CELF2: variants seen among roughly 807,000 people sequenced by gnomAD.
CELF2 encodes the protein CUG triplet repeat RNA-binding protein 2.
In CELF2, 8 loss-of-function variants were observed where a neutral mutation model predicts 62.6. That is an observed-to-expected ratio of 0.13 (90% CI 0.07 to 0.23). The LOEUF (loss-of-function observed/expected upper bound fraction) is 0.23, where lower values mean the gene tolerates loss of function less well. Ranked by LOEUF, CELF2 falls within the 10% of genes least tolerant of loss-of-function variation. The probability of loss-of-function intolerance (pLI) is 1.00; values close to 1 mark genes in which losing one functional copy is unlikely to be tolerated. For missense variants in CELF2, 333 were observed against 671.0 expected (o/e 0.50, Z 5.56); for synonymous variants, 258 against 250.0 (o/e 1.03, Z -0.30).
the CELF2 span, among the ~76,000 whole-genome samples, chr10:10,755,434 A>G: frequency 6.6e-6 from 1 of 152,190 alleles, no homozygotes; most frequent in African/African-American, 2.4e-5. Flanking sequence ...GGGGAAATTC[A>G]GGGCTGGGAT....
rs11257051 is a variant in CELF2, at chr10:11,294,184, A to G, written c.976+5632A>G. Reference sequence around the variant, plus strand: ...ATAGAATAAGTACGAGTCTGGTATCAGAGAAGGGCATTTCACCTTCAGAAG... The same window carrying G: ...ATAGAATAAGTACGAGTCTGGTATCGGAGAAGGGCATTTCACCTTCAGAAG... On this transcript the variant is annotated intron_variant, in intron 9 of 12. Transcript: ENST00000633077. Among the ~76,000 whole-genome samples, 1,691 of 152,344 alleles carry G rather than the reference A, an allele frequency of 0.011. 105 individuals are homozygous for G. The East Asian group carries it at 0.18, about 16-fold the overall frequency.
chr10:11,254,497 G>C (rs1157697658), intron 4 of CELF2, among the ~76,000 whole-genome samples: 1 of 152,194 alleles, frequency 6.6e-6, no homozygotes, highest in East Asian at 1.9e-4. Context: ...AGTTGACCTT[G>C]AGTGATGGCT....
At chr10:10,470,834 A>T in the CELF2 span, among the ~76,000 whole-genome samples, 1 of 151,036 alleles carries the variant, frequency 6.6e-6, no homozygotes, top group Non-Finnish European at 1.5e-5. Context: ...TAAAGCATGG[A>T]CAGCTTTGGG....
the CELF2 span, among the ~76,000 whole-genome samples, chr10:10,511,838 C>A: frequency 6.6e-6 from 1 of 152,174 alleles, no homozygotes; most frequent in African/African-American, 2.4e-5. Flanking sequence ...CATATCAAGG[C>A]CTGCTACTCT....
intron 2 of CELF2, among the ~76,000 whole-genome samples, chr10:11,197,044 A>AAAGAAG (rs2057977516): frequency 1.7e-5 from 1 of 57,204 alleles, no homozygotes; most frequent in Non-Finnish European, 3.6e-5. Context: ...AAAGAAAGAA[A>AAAGAAG]GAAAGAAAGA....
intron 1 of CELF2, among the ~76,000 whole-genome samples, chr10:11,038,297 G>T (rs2061295389): frequency 6.6e-6 from 1 of 152,158 alleles, no homozygotes. Context: ...GAGTCCTCTT[G>T]CCTAGCCTCT....
At chr10:11,208,805 A>T (rs2061067001) in intron 2 of CELF2, among the ~76,000 whole-genome samples, 1 of 152,090 alleles carries the variant, frequency 6.6e-6, no homozygotes, top group Non-Finnish European at 1.5e-5. Flanking sequence ...TGGGACTGAG[A>T]GACAGGAGGG....
chr10:11,127,898 T>C (rs770232767), intron 1 of CELF2, among the ~76,000 whole-genome samples: 9 of 152,246 alleles, frequency 5.9e-5, no homozygotes, highest in Non-Finnish European at 8.8e-5. Context: ...AGATCCCATT[T>C]GTCAATTTTG....
At chr10:10,734,040 C>A in the CELF2 span, among the ~76,000 whole-genome samples, 2 of 152,090 alleles carry the variant, frequency 1.3e-5, no homozygotes, top group African/African-American at 4.8e-5. Context: ...ATACGTATAT[C>A]AATTACTAAT....
At chr10:10,469,620 TG>T in the CELF2 span, among the ~76,000 whole-genome samples, 20 of 152,046 alleles carry the variant, frequency 1.3e-4, no homozygotes, top group African/African-American at 4.6e-4. Context: ...CTTCTTGTAA[TG>T]TCTTTGGTGT....
chr10:10,601,195 A>G, the CELF2 span, among the ~76,000 whole-genome samples: 1 of 152,208 alleles, frequency 6.6e-6, no homozygotes, highest in Non-Finnish European at 1.5e-5. Flanking sequence ...ATTTCCCTGC[A>G]ATAATCCTGA....
chr10:11,124,701 A>G lies in CELF2; in HGVS notation c.75-40785A>G, dbSNP rs115561484. ...CACTGCAATAAGTTCTAAGCGTACA[A>G]GGTACACACAGCATTCATGGTGCCT... On this transcript the variant is annotated intron_variant, in intron 1 of 12. Coordinates refer to ENST00000633077, the MANE Select transcript of CELF2 (RefSeq NM_001326342.2). Among the ~76,000 whole-genome samples the G allele has an allele frequency of 7.4e-3, 1,131 of 152,312 alleles. 15 individuals carry two copies. The highest frequency in any genetic ancestry group is 0.026 in the African/African-American group (1,077 of 41,576).
At chr10:11,007,477 T>C (rs1204487389) in intron 1 of CELF2, among the ~76,000 whole-genome samples, 3 of 152,212 alleles carry the variant, frequency 2.0e-5, no homozygotes, top group African/African-American at 7.2e-5. Flanking sequence ...ATGGACAGTA[T>C]TTTCAGAGTA....
At chr10:11,215,077 A>G (rs2062955714) in intron 2 of CELF2, among the ~76,000 whole-genome samples, 2 of 152,244 alleles carry the variant, frequency 1.3e-5, no homozygotes, top group African/African-American at 4.8e-5. Flanking sequence ...CCTTTAAAGT[A>G]GCTAAAATCA....
chr10:10,490,148 CA>C, the CELF2 span, among the ~76,000 whole-genome samples: 2 of 152,142 alleles, frequency 1.3e-5, no homozygotes, highest in African/African-American at 4.8e-5. Context: ...CCATTTGTAA[CA>C]GTAACAGAAC....
chr10:10,509,805 C>T, the CELF2 span, among the ~76,000 whole-genome samples: 1 of 152,204 alleles, frequency 6.6e-6, no homozygotes, highest in Non-Finnish European at 1.5e-5. Flanking sequence ...ACTGTAGTCG[C>T]TTTGCAGAAA....
chr10:10,952,040 C>T (rs571019140), intron 2 of CELF2: 18 of 152,250 alleles, frequency 1.2e-4, no homozygotes, highest in Non-Finnish European at 2.6e-4. Context: ...GAGTGGAGTC[C>T]AGGTGGCACC....
At chr10:11,005,267 A>G (rs112969489), upstream of CELF2, 31,377 of 1,531,838 alleles carry the variant, frequency 0.02, 4,157 homozygotes, top group African/African-American at 0.38. This position sits in a 1 kb window ranked among gnomAD's most constrained non-coding sequence, Gnocchi z 4.3. Flanking sequence ...AGAGAGAGAG[A>G]GAGAGAGAGA....
chr10:10,554,242 T>C, the CELF2 span, among the ~76,000 whole-genome samples: 1 of 152,098 alleles, frequency 6.6e-6, no homozygotes. Context: ...GGGAGAAGCA[T>C]CTGGCCCAGA....
Sources: gnomAD v4.1 joint callset for allele counts (sites outside exome capture counted in the v4.1 genomes callset) on GRCh38, gnomAD v4.1.1 for gene constraint, Gnocchi (gnomAD v3.1) non-coding constraint, MANE v1.5 for transcripts, NCBI Gene and HGNC (gene_info 2026-07-23, HGNC 2026-07-21) for gene names.